DCDC2C: variants seen among roughly 807,000 people sequenced by gnomAD.
DCDC2C encodes doublecortin domain-containing protein 2C.
DCDC2C carries 44 observed loss-of-function variants against 45.0 expected under a neutral mutation model. The ratio of observed to expected loss-of-function variants is 0.98; its 90% CI spans 0.77 to 1.26. The LOEUF (loss-of-function observed/expected upper bound fraction) is 1.26, where lower values mean the gene tolerates loss of function less well. Among genes scored for constraint, DCDC2C ranks in the 50% most tolerant of loss-of-function variants. The pLI, the probability that DCDC2C is intolerant of heterozygous loss-of-function variation, is 0.00. For missense variants in DCDC2C, 447 were observed against 468.9 expected, an observed-to-expected ratio of 0.95 and a Z score of 0.43; for synonymous variants, 187 against 178.8, an observed-to-expected ratio of 1.05 and a Z score of -0.37.
chr2:3,749,972 C>G (rs1669491928), intron 4 of DCDC2C, among the ~76,000 whole-genome samples: 1 of 152,134 alleles, frequency 6.6e-6, no homozygotes, highest in South Asian at 2.1e-4. Context: ...TACAGTTACC[C>G]AGCTGCTGAC....
chr2:3,753,546 A>T (rs1000740938), intron 5 of DCDC2C, among the ~76,000 whole-genome samples: 2 of 152,140 alleles, frequency 1.3e-5, no homozygotes, highest in Admixed American at 6.5e-5. Context: ...ACTTTCCTGG[A>T]GCTAGTTCTT....
chr2:3,769,219 G>T, intron 7 of DCDC2C, 92 bp from the exon 8 acceptor site: 2 of 1,271,726 alleles, frequency 1.6e-6, no homozygotes, highest in South Asian at 1.4e-5. Flanking sequence ...CAGGATGCCC[G>T]GCTTCGTAAC....
At chr2:3,706,944 C>A (rs72769401) in intron 1 of DCDC2C, among the ~76,000 whole-genome samples, 1 of 152,230 alleles carries the variant, frequency 6.6e-6, no homozygotes, top group Admixed American at 6.5e-5. Context: ...ATCCACTCTG[C>A]GGTACGGTTG....
rs77472630 is a variant in DCDC2C, at chr2:3,755,958, A to G, written c.726+1324A>G. On this transcript the variant is annotated intron_variant, in intron 6 of 10. Coordinates refer to ENST00000399143, the MANE Select transcript of DCDC2C (RefSeq NM_001287444.2). ...GATGGATACACGTGTATAGAGGCAT[A>G]TGTTTTTGTGGATGCATACATGGGT... Among the ~76,000 whole-genome samples the G allele has an allele frequency of 6.9e-3, 1,052 of 152,106 alleles. 12 individuals carry two copies. The highest frequency in any genetic ancestry group is 0.023 in the African/African-American group (965 of 41,484).
At chr2:3,807,615 C>T (rs1240739847) in intron 10 of DCDC2C, among the ~76,000 whole-genome samples, 1 of 152,002 alleles carries the variant, frequency 6.6e-6, no homozygotes, top group Non-Finnish European at 1.5e-5. Context: ...ATGCATCCTT[C>T]TCGGTGTCCA....
At chr2:3,728,707 C>A (rs979201702) in intron 3 of DCDC2C, among the ~76,000 whole-genome samples, 2 of 152,186 alleles carry the variant, frequency 1.3e-5, no homozygotes, top group Non-Finnish European at 1.5e-5. Flanking sequence ...GAGTCCTTGT[C>A]GCTATAAAAA....
At chr2:3,807,802 A>G (rs1345463422) in intron 10 of DCDC2C, among the ~76,000 whole-genome samples, 1 of 151,836 alleles carries the variant, frequency 6.6e-6, no homozygotes, top group Non-Finnish European at 1.5e-5. Context: ...TACCCTTTTC[A>G]GAGTGTCATA....
At chr2:3,714,224 A>G (rs1668292247) in intron 2 of DCDC2C, among the ~76,000 whole-genome samples, 1 of 152,224 alleles carries the variant, frequency 6.6e-6, no homozygotes, top group Admixed American at 6.5e-5. Flanking sequence ...TTGTAATAGA[A>G]ATGATTTTTA....
intron 10 of DCDC2C, among the ~76,000 whole-genome samples, chr2:3,825,363 T>C (rs1176170243): frequency 6.6e-6 from 1 of 152,194 alleles, no homozygotes; most frequent in African/African-American, 2.4e-5. Flanking sequence ...CTGTGCCTTC[T>C]AGGAGGAATT....
chr2:3,804,337 C>A (rs922118101), intron 10 of DCDC2C, among the ~76,000 whole-genome samples: 1 of 152,124 alleles, frequency 6.6e-6, no homozygotes, highest in African/African-American at 2.4e-5. Flanking sequence ...TTCCTTTGTG[C>A]CTAATGTATT....
At chr2:3,746,645 G>T (rs893892443) in intron 4 of DCDC2C, among the ~76,000 whole-genome samples, 6 of 152,212 alleles carry the variant, frequency 3.9e-5, no homozygotes, top group Admixed American at 3.9e-4. Flanking sequence ...GAGCCGGGAG[G>T]TGATAAACAA....
chr2:3,823,542 A>G (rs1273927951), intron 10 of DCDC2C, among the ~76,000 whole-genome samples: 2 of 152,208 alleles, frequency 1.3e-5, no homozygotes, highest in South Asian at 4.1e-4. Flanking sequence ...AAAGTAAAGT[A>G]TTGAATTCTC....
At chr2:3,815,854 G>A (rs1185931477) in intron 10 of DCDC2C, among the ~76,000 whole-genome samples, 1 of 152,188 alleles carries the variant, frequency 6.6e-6, no homozygotes. Flanking sequence ...TGATTCTTCA[G>A]TTACTTCAGG....
At chr2:3,763,190 G>A (rs1669929344) in intron 6 of DCDC2C, among the ~76,000 whole-genome samples, 1 of 152,170 alleles carries the variant, frequency 6.6e-6, no homozygotes, top group African/African-American at 2.4e-5. Flanking sequence ...CTGGCATTTG[G>A]ATGAGCACTG....
At chr2:3,739,156 T>C (rs1176901180) in intron 3 of DCDC2C, among the ~76,000 whole-genome samples, 3 of 152,172 alleles carry the variant, frequency 2.0e-5, no homozygotes, top group African/African-American at 4.8e-5. Flanking sequence ...TACAGGCTTA[T>C]AAAAATGTGG....
intron 10 of DCDC2C, among the ~76,000 whole-genome samples, chr2:3,795,861 G>C (rs1172500616): frequency 1.5e-5 from 2 of 134,556 alleles, no homozygotes; most frequent in Non-Finnish European, 3.1e-5. Flanking sequence ...GCTCTTTTTT[G>C]GTTCCATATG....
intron 4 of DCDC2C, 107 bp downstream of exon 4, chr2:3,742,155 A>C (rs1409641640): frequency 7.8e-7 from 1 of 1,277,312 alleles, no homozygotes; most frequent in Non-Finnish European, 1.0e-6. Context: ...GATTCACCAT[A>C]AACTCTTAAT....
intron 10 of DCDC2C, among the ~76,000 whole-genome samples, chr2:3,808,424 GCT>G (rs2148210383): frequency 6.6e-6 from 1 of 151,662 alleles, no homozygotes; most frequent in South Asian, 2.1e-4. Context: ...ATTGGTTCTC[GCT>G]CTGTTACCAG....
At chr2:3,813,976 G>T (rs1265584775) in intron 10 of DCDC2C, among the ~76,000 whole-genome samples, 1 of 152,106 alleles carries the variant, frequency 6.6e-6, no homozygotes. Flanking sequence ...TGGTTATTTT[G>T]CAGAGTTGTT....
Sources: gnomAD v4.1 joint callset for allele counts (sites outside exome capture counted in the v4.1 genomes callset) on GRCh38, gnomAD v4.1.1 for gene constraint, MANE v1.5 for transcripts, NCBI Gene and HGNC (gene_info 2026-07-23, HGNC 2026-07-21) for gene names.